Variants in RIMBP2 observed in about 807,000 individuals in gnomAD.
RIMBP2 encodes the protein RIMS-binding protein 2.
RIMBP2 carries 48 observed loss-of-function variants against 118.6 expected under a neutral mutation model. That is an observed-to-expected ratio of 0.40 (90% CI 0.32 to 0.51). The LOEUF (loss-of-function observed/expected upper bound fraction) is 0.51, where lower values mean the gene tolerates loss of function less well. Among genes scored for constraint, RIMBP2 ranks in the 20% least tolerant of loss-of-function variants. The pLI, the probability that RIMBP2 is intolerant of heterozygous loss-of-function variation, is 0.41. For synonymous variants in RIMBP2, 762 were observed against 742.9 expected, an observed-to-expected ratio of 1.03 and a Z score of -0.42; for missense variants, 1,551 against 1,768.3, an observed-to-expected ratio of 0.88 and a Z score of 2.20.
intron 5 of RIMBP2, among the ~76,000 whole-genome samples, chr12:130,474,864 T>C (rs1355855157): frequency 6.7e-6 from 1 of 148,858 alleles, no homozygotes; most frequent in Non-Finnish European, 1.5e-5. Flanking sequence ...GTCATGACCA[T>C]TCACAGCCTG....
chr12:130,649,980 T>TAC, intron 1 of RIMBP2, among the ~76,000 whole-genome samples: 1 of 151,382 alleles, frequency 6.6e-6, no homozygotes, highest in East Asian at 2.0e-4. Flanking sequence ...GAACAAGCGG[T>TAC]ACGAGACTCT....
At chr12:130,476,548 G>A (rs1357805847) in intron 5 of RIMBP2, among the ~76,000 whole-genome samples, 1 of 152,170 alleles carries the variant, frequency 6.6e-6, no homozygotes, top group Non-Finnish European at 1.5e-5. Flanking sequence ...CAGCTACCCG[G>A]CCTTCTTCCT....
At position 130,412,741 on chromosome 12, in the gene RIMBP2, C is replaced by A. The variant is rs563959781; in HGVS notation, c.3467G>T (p.Cys1156Phe). The A allele has an allele frequency of 1.2e-6, 2 of 1,613,974 alleles. No homozygotes were observed. The highest frequency in any genetic ancestry group is 1.7e-6 in the Non-Finnish European group (2 of 1,179,994). The part of the protein sequence containing the change: ...DADGFYRGET[C>F]ARLGLIPCNM... ...ACAAGGAATAAGGCCAAGCCGGGCA[C>A]AGGTTTCCCCACGGTAGAATCCATC... Residue 1156 changes from cysteine (C) to phenylalanine (F), a missense_variant, in exon 19 of 23, where the codon TGT (cysteine) becomes TTT (phenylalanine). Cys to Phe is a radical substitution (Grantham distance 205, BLOSUM62 -2). Transcript: ENST00000690449.
chr12:130,646,153 C>CGCTACTGCAAAAGGGA (rs1566422407), intron 1 of RIMBP2, among the ~76,000 whole-genome samples: 2 of 90,528 alleles, frequency 2.2e-5, no homozygotes, highest in Non-Finnish European at 5.2e-5. Context: ...CCACCTGCCT[C>CGCTACTGCAAAAGGGA]TCCACCTCCC....
At chr12:130,439,741 G>A (rs1220682856) in intron 11 of RIMBP2, among the ~76,000 whole-genome samples, 1 of 147,734 alleles carries the variant, frequency 6.8e-6, no homozygotes, top group Non-Finnish European at 1.5e-5. Context: ...GTGTGTGTAT[G>A]TGGGTCTGTG....
chr12:130,545,967 CT>C (rs2139637925), intron 2 of RIMBP2, among the ~76,000 whole-genome samples: 1 of 152,290 alleles, frequency 6.6e-6, no homozygotes, highest in East Asian at 1.9e-4. Flanking sequence ...GGGAAAAAAT[CT>C]TAACACAGCT....
At chr12:130,712,018 C>A (rs909509627) in intron 1 of RIMBP2, among the ~76,000 whole-genome samples, 2 of 152,152 alleles carry the variant, frequency 1.3e-5, no homozygotes, top group Non-Finnish European at 2.9e-5. Flanking sequence ...AGAGAGGCAG[C>A]GGAAGTAAGA....
chr12:130,671,193 A>AG (rs1269874520), intron 1 of RIMBP2, among the ~76,000 whole-genome samples: 1 of 152,074 alleles, frequency 6.6e-6, no homozygotes, highest in African/African-American at 2.4e-5. Context: ...AGGGGGCAAA[A>AG]AAAATAAGAG....
intron 2 of RIMBP2, among the ~76,000 whole-genome samples, chr12:130,591,070 A>G (rs1358793913): frequency 6.6e-6 from 1 of 152,228 alleles, no homozygotes; most frequent in African/African-American, 2.4e-5. Context: ...CCATAGGGCT[A>G]AGCTTGCTGT....
At chr12:130,664,415 A>ACACGCACGCACACACG (rs1555320883) in intron 1 of RIMBP2, among the ~76,000 whole-genome samples, 1 of 130,496 alleles carries the variant, frequency 7.7e-6, no homozygotes, top group Non-Finnish European at 1.7e-5. Flanking sequence ...ACGCACGCAC[A>ACACGCACGCACACACG]CACACGCACA....
intron 2 of RIMBP2, among the ~76,000 whole-genome samples, chr12:130,555,939 G>T (rs115945720): frequency 6.6e-6 from 1 of 152,148 alleles, no homozygotes; most frequent in Non-Finnish European, 1.5e-5. Flanking sequence ...CAGGCCCATC[G>T]CCAGGCACGG....
chr12:130,566,938 G>C (rs2057264525), intron 2 of RIMBP2, among the ~76,000 whole-genome samples: 1 of 152,198 alleles, frequency 6.6e-6, no homozygotes, highest in African/African-American at 2.4e-5. Context: ...TTAATGGGCA[G>C]AGGGCAGCTG....
At chr12:130,646,058 A>T (rs111451977) in intron 1 of RIMBP2, among the ~76,000 whole-genome samples, 1,398 of 114,254 alleles carry the variant, frequency 0.012, 59 homozygotes, top group African/African-American at 0.023. Flanking sequence ...CACCTCCCTC[A>T]CCACCTGCCT....
At chr12:130,504,906 G>A (rs1465274614) in intron 4 of RIMBP2, among the ~76,000 whole-genome samples, 2 of 152,192 alleles carry the variant, frequency 1.3e-5, no homozygotes, top group African/African-American at 4.8e-5. Flanking sequence ...AATATCCCCT[G>A]GAGGGCAAGT....
rs113994542 is a variant in RIMBP2, at chr12:130,491,958, T to G, written c.-3-12942A>C. On this transcript the variant is annotated intron_variant, in intron 4 of 22. Transcript: ENST00000690449. ...CCGCTATCCCAGGGAAAAGCTCGGA[T>G]GTGACACGGAACGAACGAACCTGAA... is the stretch of plus-strand genomic sequence containing the variant. Among the ~76,000 whole-genome samples the G allele has an allele frequency of 2.6e-3, 397 of 152,326 alleles. 1 individual carries two copies. The highest frequency in any genetic ancestry group is 9.2e-3 in the African/African-American group (381 of 41,570).
At chr12:130,586,192 C>T (rs2058870127) in intron 2 of RIMBP2, among the ~76,000 whole-genome samples, 2 of 152,168 alleles carry the variant, frequency 1.3e-5, no homozygotes, top group Admixed American at 6.5e-5. Context: ...CGGTGGCTCA[C>T]GCCTATAATC....
At chr12:130,664,955 T>C (rs1407776303) in intron 1 of RIMBP2, among the ~76,000 whole-genome samples, 2 of 151,552 alleles carry the variant, frequency 1.3e-5, no homozygotes, top group African/African-American at 4.9e-5. Flanking sequence ...TACTAATCAA[T>C]CAACCGGAAC....
At chr12:130,477,725 G>T (rs871356) in intron 5 of RIMBP2, among the ~76,000 whole-genome samples, 3 of 152,204 alleles carry the variant, frequency 2.0e-5, no homozygotes, top group Non-Finnish European at 4.4e-5. Flanking sequence ...ACGCTGCTCC[G>T]GCAGATTCCT....
chr12:130,605,012 G>A (rs56107871), intron 2 of RIMBP2, among the ~76,000 whole-genome samples: 11,840 of 152,022 alleles, frequency 0.078, 602 homozygotes, highest in Non-Finnish European at 0.12. Context: ...TCCTGCACAG[G>A]TGTGTAGCCC....
Sources: gnomAD v4.1 joint callset for allele counts (sites outside exome capture counted in the v4.1 genomes callset) on GRCh38, gnomAD v4.1.1 for gene constraint, MANE v1.5 for transcripts, NCBI Gene and HGNC (gene_info 2026-07-23, HGNC 2026-07-21) for gene names.